The following AANAT variants were observed in gnomAD, a reference collection of about 807,000 sequenced individuals.
AANAT encodes the protein serotonin N-acetyltransferase.
A neutral mutation model predicts 15.6 loss-of-function variants in AANAT; 11 were observed. That is an observed-to-expected ratio of 0.71 (90% CI 0.44 to 1.17). The LOEUF is 1.17. Among genes scored for constraint, AANAT ranks in the 50% most tolerant of loss-of-function variants. The pLI, the probability that AANAT is intolerant of heterozygous loss-of-function variation, is 0.00. For missense variants in AANAT, 286 were observed against 296.3 expected, an observed-to-expected ratio of 0.97 and a Z score of 0.26; for synonymous variants, 139 against 131.5, an observed-to-expected ratio of 1.06 and a Z score of -0.39.
chr17:76,466,603 C>A (rs1010323924), upstream of AANAT, among the ~76,000 whole-genome samples: 1 of 152,098 alleles, frequency 6.6e-6, no homozygotes, highest in African/African-American at 2.4e-5. Context: ...CCAGTGCAGC[C>A]GTGGCAGTGC....
intron 1 of AANAT, among the ~76,000 whole-genome samples, chr17:76,455,583 A>AT (rs1417050954): frequency 6.6e-6 from 1 of 152,138 alleles, no homozygotes; most frequent in Non-Finnish European, 1.5e-5. Context: ...AGTCAACATC[A>AT]TTTTTTCCAC....
Position 76,460,130 on chromosome 17 carries a change from A to ATTTTTTTTT in AANAT, c.-456+792_-456+800dup, listed in dbSNP as rs556197358. ...CAGCCTCAGTCACCTACTTCAGGAA[A>ATTTTTTTTT]TTTTTTTTTTTTTTTTTTTTTTTTT... On this transcript the variant is annotated intron_variant, in intron 2 of 6. Coordinates refer to the AANAT transcript ENST00000250615. Among the ~76,000 whole-genome samples, 600 of 87,940 alleles carry ATTTTTTTTT rather than the reference A, an allele frequency of 6.8e-3. 83 individuals carry two copies. The highest frequency in any genetic ancestry group is 0.022 in the East Asian group (50 of 2,262). 57.7% of individuals were successfully genotyped at this position (87,940 alleles called of 152,430 possible). A position where few individuals can be genotyped will look rare whatever the true frequency, so the allele number is the denominator to read the frequency against.
At chr17:76,460,267 G>A (rs903470793) in intron 2 of AANAT, among the ~76,000 whole-genome samples, 1 of 147,700 alleles carries the variant, frequency 6.8e-6, no homozygotes, top group Non-Finnish European at 1.5e-5. Context: ...TTGTGCCTCA[G>A]CCTTCTGAGT....
chr17:76,461,113 C>T (rs1318540664), intron 2 of AANAT, among the ~76,000 whole-genome samples: 3 of 151,368 alleles, frequency 2.0e-5, no homozygotes, highest in East Asian at 2.0e-4. Flanking sequence ...TTCAGTGAGC[C>T]GAAATCGCGC....
upstream of AANAT, chr17:76,465,975 A>C: frequency 5.1e-6 from 3 of 583,410 alleles, no homozygotes; most frequent in South Asian, 5.5e-5. Flanking sequence ...TCTGTCTCCC[A>C]AAGTGCTGGG....
At position 76,454,210 on chromosome 17, in the gene AANAT, C is replaced by T. The variant is rs928594242; in HGVS notation, c.-576+428C>T. 6.6e-5 allele frequency among the ~76,000 whole-genome samples: 10 copies of T among 152,274 alleles called. No homozygotes were observed. The South Asian group carries it at 2.1e-3, about 32-fold the overall frequency. On this transcript the variant is annotated intron_variant, in intron 1 of 6. Coordinates refer to the AANAT transcript ENST00000250615. Reference sequence around the variant, plus strand: ...ATAAAAAGTAGGCCGGGCGCGGCAGCTCACACCTGTCATCCCAGTACTTTG... The same window carrying T: ...ATAAAAAGTAGGCCGGGCGCGGCAGTTCACACCTGTCATCCCAGTACTTTG...
intron 2 of AANAT, among the ~76,000 whole-genome samples, chr17:76,461,981 C>T (rs1020513180): frequency 7.9e-5 from 12 of 152,170 alleles, no homozygotes; most frequent in African/African-American, 2.9e-4. Flanking sequence ...AAGCGGGAGC[C>T]ATCCAGGGAC....
At chr17:76,464,095 C>A (rs1367710527), upstream of AANAT, among the ~76,000 whole-genome samples, 1 of 152,132 alleles carries the variant, frequency 6.6e-6, no homozygotes, top group Non-Finnish European at 1.5e-5. Flanking sequence ...AATCCCAACA[C>A]TTTAGGAGGC....
intron 2 of AANAT, among the ~76,000 whole-genome samples, chr17:76,461,974 C>T (rs1365562576): frequency 7.2e-5 from 11 of 152,178 alleles, no homozygotes; most frequent in Admixed American, 4.6e-4. Context: ...TGGGGAGAAG[C>T]GGGAGCCATC....
In AANAT at chr17:76,469,295, G is replaced by T. The variant is rs557551257; in HGVS notation, c.286G>T (p.Gly96Cys). The part of the protein sequence containing the change: ...EEGCLVAFII[G>C]SLWDKERLMQ... ...GGGCTGCCTTGTGGCCTTCATCATC[G>T]GCTCGCTCTGGGACAAGGAGAGACT... Residue 96 changes from glycine to cysteine, a missense_variant, in exon 3 of 4, where the codon GGC becomes TGC. Transcript: ENST00000392492. The surrounding 1 kb of genome is among the most constrained non-coding windows in gnomAD (Gnocchi z 5.2). 3 of 1,614,104 alleles carry T rather than the reference G, an allele frequency of 1.9e-6. No homozygotes were observed. In the African/African-American group the frequency reaches 4.0e-5, roughly 22 times the overall value.
upstream of AANAT, chr17:76,466,310 A>G (rs2073437643): frequency 9.2e-7 from 1 of 1,083,652 alleles, no homozygotes. Flanking sequence ...CGGTCCTGAG[A>G]GGTCTGTTGA....
chr17:76,469,366 T>A lies in AANAT; in HGVS notation c.318+39T>A, dbSNP rs4646261. The A allele has an allele frequency of 0.03, 48,095 of 1,610,656 alleles. 1,752 individuals are homozygous for A. The highest frequency in any genetic ancestry group is 0.12 in the South Asian group (10,615 of 90,914). On this transcript the variant is annotated intron_variant, in intron 3 of 3. Transcript: ENST00000392492. The surrounding 1 kb of genome is among the most constrained non-coding windows in gnomAD (Gnocchi z 5.2). ...TGCGACGCCCAGCTCCAGGGAGGCC[T>A]CTGAAGACAGAGGTCAGCCAGATGG...
At chr17:76,463,644 C>T (rs1324088470), upstream of AANAT, among the ~76,000 whole-genome samples, 2 of 152,026 alleles carry the variant, frequency 1.3e-5, no homozygotes, top group Admixed American at 1.3e-4. Context: ...TCGGAGCCTC[C>T]CTGTTGGCAG....
intron 1 of AANAT, among the ~76,000 whole-genome samples, chr17:76,457,332 G>A (rs765412115): frequency 2.8e-4 from 43 of 152,224 alleles, no homozygotes; most frequent in Non-Finnish European, 3.4e-4. Flanking sequence ...ATAAGCCACC[G>A]CACCCGGCCT....
chr17:76,466,271 C>T (rs1598639013), upstream of AANAT: 1 of 1,500,896 alleles, frequency 6.7e-7, no homozygotes, highest in Non-Finnish European at 8.9e-7. Context: ...ATGACCACCC[C>T]ACCAACCAAG....
rs1214339202 is a variant in AANAT at position 76,469,916 on chromosome 17, G to A, written c.570G>A (p.Glu190=). The part of the protein sequence containing the change: ...AITVGSLTFM[E]LHCSLRGHPF... ...CCGTGGGCTCCCTCACCTTCATGGA[G>A]CTCCACTGCTCCCTGCGGGGCCACC... Residue 190 remains glutamate (E), a synonymous_variant, in exon 4 of 4, where the codon GAG becomes GAA. Transcript: ENST00000392492. The surrounding 1 kb of genome is among the most constrained non-coding windows in gnomAD (Gnocchi z 5.2). 1 of 1,561,206 alleles carries A rather than the reference G, an allele frequency of 6.4e-7. No homozygotes were observed. The highest frequency in any genetic ancestry group is 1.2e-5 in the South Asian group (1 of 84,992).
upstream of AANAT, among the ~76,000 whole-genome samples, chr17:76,465,344 A>AT (rs5822138): frequency 0.42 from 58,120 of 138,154 alleles, 13,301 homozygotes; most frequent in Non-Finnish European, 0.52. Flanking sequence ...TGAGGTCAGG[A>AT]TTTTTTTTTT....
chr17:76,469,938 C>T lies in AANAT; in HGVS notation c.592C>T (p.His198Tyr). 1.3e-6 allele frequency: 2 copies of T among 1,529,388 alleles called. No individual in the cohort carries two copies. Among genetic ancestry groups the T allele is most frequent in the Non-Finnish European group, 1.8e-6 (2 of 1,135,400 alleles). The allele number at this position is 1,529,388 out of a possible 1,614,324, so 94.7% of individuals were successfully genotyped here. Residue 198 changes from histidine (H) to tyrosine (Y), a missense_variant, in exon 4 of 4, where the codon CAC (histidine) becomes TAC (tyrosine). By Grantham distance (83) the His-to-Tyr change is moderately conservative. Transcript: ENST00000392492. The surrounding 1 kb of genome is among the most constrained non-coding windows in gnomAD (Gnocchi z 5.2). ...GGAGCTCCACTGCTCCCTGCGGGGC[C>T]ACCCCTTCCTGCGCAGGAACAGCGG... ...FMELHCSLRG[H>Y]PFLRRNSGC
At chr17:76,466,493 C>CG (rs1000795618), upstream of AANAT, among the ~76,000 whole-genome samples, 15 of 151,848 alleles carry the variant, frequency 9.9e-5, no homozygotes, top group East Asian at 5.8e-4. Context: ...GCTTCCTCTG[C>CG]GGGGGGGTCG....
Sources: allele counts gnomAD v4.1 joint callset (sites outside exome capture counted in the v4.1 genomes callset), GRCh38; gene constraint gnomAD v4.1.1; non-coding constraint Gnocchi (gnomAD v3.1); transcripts MANE v1.5; gene names NCBI Gene and HGNC (gene_info 2026-07-23, HGNC 2026-07-21).